TMCO1: variants seen among roughly 807,000 people sequenced by gnomAD.
The protein encoded by TMCO1 is transmembrane and coiled-coil domains 1, also known as calcium load-activated calcium channel.
A neutral mutation model predicts 29.3 loss-of-function variants in TMCO1; 29 were observed. The ratio of observed to expected loss-of-function variants is 0.99; its 90% CI spans 0.74 to 1.35. The LOEUF is 1.35. TMCO1 is among the 40% of genes most tolerant of loss of function. The pLI, the probability that TMCO1 is intolerant of heterozygous loss-of-function variation, is 0.00. For missense variants in TMCO1, 173 were observed against 225.5 expected (o/e 0.77, Z 1.49); for synonymous variants, 80 against 77.1 (o/e 1.04, Z -0.20).
intron 5 of TMCO1, among the ~76,000 whole-genome samples, chr1:165,750,337 C>T (rs373143479): frequency 6.8e-4 from 103 of 151,562 alleles, no homozygotes; most frequent in African/African-American, 2.2e-3. Context: ...GTCATGAGTT[C>T]GAGACCAGCC....
intron 3 of TMCO1, among the ~76,000 whole-genome samples, chr1:165,757,651 C>T (rs1234502774): frequency 6.6e-6 from 1 of 152,210 alleles, no homozygotes; most frequent in Admixed American, 6.5e-5. Flanking sequence ...GCATGCACCA[C>T]CACGCCTGGT....
chr1:165,727,098 C>T lies in TMCO1; in HGVS notation c.*925G>A, dbSNP rs771834094. The stretch of plus-strand genomic sequence containing the variant: ...GCGGGGAGGATCATGGTACAAACAT[C>T]CTTCTCCCTTATGAAGGGGCATGGC... On this transcript the variant is annotated 3_prime_UTR_variant, in exon 7 of 7. Coordinates refer to ENST00000367881, the MANE Select transcript of TMCO1 (RefSeq NM_019026.6). The T allele has an allele frequency of 1.1e-5, 5 of 453,890 alleles. No individual in the cohort carries two copies. The highest frequency in any genetic ancestry group is 2.2e-5 in the Non-Finnish European group (5 of 226,788). 28.1% of individuals were successfully genotyped at this position (453,890 alleles called of 1,614,324 possible). A position where few individuals can be genotyped will look rare whatever the true frequency, so the allele number is the denominator to read the frequency against.
At chr1:165,761,533 C>CAAAAT (rs1361950749) in intron 2 of TMCO1, among the ~76,000 whole-genome samples, 2 of 148,594 alleles carry the variant, frequency 1.3e-5, no homozygotes, top group Non-Finnish European at 3.0e-5. Flanking sequence ...ACCCTGTCGC[C>CAAAAT]AAAATAAAAT....
rs779602323 is a variant in TMCO1 at position 165,727,812 on chromosome 1, C to A, written c.*211G>T. The A allele has an allele frequency of 9.9e-6, 5 of 503,070 alleles. No individual in the cohort carries two copies. The East Asian group carries it at 1.6e-4, about 16-fold the overall frequency. 31.2% of individuals were successfully genotyped at this position (503,070 alleles called of 1,614,324 possible). ...TACCTGAACTTAACTAATCAATCCA[C>A]TTATTTGATAAAAATCATCTAGGAC... is the stretch of plus-strand genomic sequence containing the variant. On this transcript the variant is annotated 3_prime_UTR_variant, in exon 7 of 7. Coordinates refer to ENST00000367881, the MANE Select transcript of TMCO1 (RefSeq NM_019026.6).
rs1287728967 is a variant in TMCO1, at chr1:165,752,184, A to G, written c.256-15T>C. On this transcript the variant is annotated splice_polypyrimidine_tract_variant and intron_variant, in intron 4 of 6. Coordinates refer to ENST00000367881, the MANE Select transcript of TMCO1 (RefSeq NM_019026.6). Reference sequence around the variant, plus strand: ...TTCATTCGAACCTGTAATGAGACGAACAAATTGTCATTTTACACTAAAAAA... The same window carrying G: ...TTCATTCGAACCTGTAATGAGACGAGCAAATTGTCATTTTACACTAAAAAA... 3 of 1,609,014 alleles carry G rather than the reference A, an allele frequency of 1.9e-6. No individual in the cohort carries two copies. The highest frequency in any genetic ancestry group is 2.6e-6 in the Non-Finnish European group (3 of 1,175,878).
chr1:165,757,224 A>T (rs1029697613), intron 3 of TMCO1, among the ~76,000 whole-genome samples: 3 of 152,242 alleles, frequency 2.0e-5, no homozygotes, highest in Non-Finnish European at 4.4e-5. Context: ...GTTTTTGAAT[A>T]TATTCCATAG....
chr1:165,730,588 G>T (rs1260174281), intron 6 of TMCO1, among the ~76,000 whole-genome samples: 1 of 152,146 alleles, frequency 6.6e-6, no homozygotes, highest in Non-Finnish European at 1.5e-5. Context: ...GATGGAGAAT[G>T]ATCAGACTTT....
At chr1:165,759,610 A>G in intron 2 of TMCO1, 26 bp from the exon 3 acceptor site, 1 of 1,581,422 alleles carries the variant, frequency 6.3e-7, no homozygotes. Flanking sequence ...TAACACAGTA[A>G]AAATTAACTG....
rs560949716 is a variant in TMCO1, at chr1:165,761,828, G to C, written c.149-2244C>G. 4.1e-5 allele frequency among the ~76,000 whole-genome samples: 6 copies of C among 147,836 alleles called. No individual in the cohort carries two copies. The East Asian group carries it at 1.0e-3, about 26-fold the overall frequency. ...GCCGGCCATGGTGGTGCACTCCTGT[G>C]GTCCCAGCTACTCAGGAGGCTGAGA... is the stretch of plus-strand genomic sequence containing the variant. On this transcript the variant is annotated intron_variant, in intron 2 of 6. Coordinates refer to ENST00000367881, the MANE Select transcript of TMCO1 (RefSeq NM_019026.6).
intron 2 of TMCO1, among the ~76,000 whole-genome samples, chr1:165,765,771 T>C (rs368546177): frequency 6.6e-6 from 1 of 152,008 alleles, no homozygotes. Flanking sequence ...AGCTGGACAG[T>C]GTGGGTGAAG....
intron 5 of TMCO1, 85 bp downstream of exon 5, chr1:165,752,017 A>T (rs910874766): frequency 9.1e-7 from 1 of 1,096,212 alleles, no homozygotes; most frequent in Non-Finnish European, 1.4e-6. Context: ...TCAAAATAAA[A>T]TATTTTACCC....
Position 165,768,821 on chromosome 1 carries a change from A to C in TMCO1, c.-70T>G, listed in dbSNP as rs1205580878. 2 of 1,607,428 alleles carry C rather than the reference A, an allele frequency of 1.2e-6. No individual in the cohort carries two copies. The highest frequency in any genetic ancestry group is 2.7e-5 in the African/African-American group (2 of 74,832). On this transcript the variant is annotated 5_prime_UTR_variant, in exon 1 of 7. Coordinates refer to ENST00000367881, the MANE Select transcript of TMCO1 (RefSeq NM_019026.6). ...CTCTACAGCCAGGAAAAGTGAAGCG[A>C]AAACGGCTTCCGTAGACTCCGCCAC...
intron 2 of TMCO1, among the ~76,000 whole-genome samples, chr1:165,765,749 T>G (rs955337393): frequency 1.3e-5 from 2 of 152,092 alleles, no homozygotes; most frequent in Non-Finnish European, 2.9e-5. Flanking sequence ...CTAGTATGTG[T>G]AAAGAACAGC....
At chr1:165,752,251 C>CTTTT (rs1558038157) in intron 4 of TMCO1, 82 bp from the exon 5 acceptor site, 6 of 672,740 alleles carry the variant, frequency 8.9e-6, no homozygotes, top group Admixed American at 2.8e-5. Context: ...GGTTTCATGT[C>CTTTT]ATTTTTTTTT....
intron 3 of TMCO1, 144 bp from the exon 4 acceptor site, chr1:165,754,418 C>T (rs61190462): frequency 4.3e-5 from 28 of 645,964 alleles, no homozygotes; most frequent in East Asian, 1.1e-4. Context: ...GGATAGTATA[C>T]GTTTTGTACT....
intron 2 of TMCO1, among the ~76,000 whole-genome samples, chr1:165,764,825 T>C (rs1169466317): frequency 1.3e-5 from 2 of 152,172 alleles, no homozygotes; most frequent in Admixed American, 1.3e-4. Context: ...TTACCCTAGA[T>C]GCATTATAGG....
intron 6 of TMCO1, among the ~76,000 whole-genome samples, chr1:165,729,671 G>A (rs1651065803): frequency 6.6e-6 from 1 of 152,064 alleles, no homozygotes; most frequent in African/African-American, 2.4e-5. Context: ...GATTATTCTT[G>A]CCCAGTTCCT....
chr1:165,738,477 A>G (rs1263034765), intron 6 of TMCO1, among the ~76,000 whole-genome samples: 3 of 152,000 alleles, frequency 2.0e-5, no homozygotes, highest in Non-Finnish European at 4.4e-5. Context: ...AAAAGCAAAT[A>G]AAACAACAAC....
At chr1:165,764,298 G>A (rs1652497062) in intron 2 of TMCO1, among the ~76,000 whole-genome samples, 1 of 152,148 alleles carries the variant, frequency 6.6e-6, no homozygotes, top group South Asian at 2.1e-4. Flanking sequence ...TATGTGCCAG[G>A]CACTGCATTA....
Sources: allele counts gnomAD v4.1 joint callset (sites outside exome capture counted in the v4.1 genomes callset), GRCh38; gene constraint gnomAD v4.1.1; transcripts MANE v1.5; gene names NCBI Gene and HGNC (gene_info 2026-07-23, HGNC 2026-07-21).